Variants in SLC19A2 observed in about 807,000 individuals in gnomAD.
SLC19A2 encodes solute carrier family 19 member 2, also known as thiamine transporter 1.
Under a neutral mutation model 44.7 loss-of-function variants are expected in SLC19A2, and 27 were observed. The observed-to-expected ratio is 0.60, with a 90% confidence interval of 0.45 to 0.83. The LOEUF (loss-of-function observed/expected upper bound fraction) is 0.83, where lower values mean the gene tolerates loss of function less well. Among genes scored for constraint, SLC19A2 ranks in the 40% least tolerant of loss-of-function variants. The pLI is 0.00. For missense variants in SLC19A2, 566 were observed against 613.7 expected, an observed-to-expected ratio of 0.92 and a Z score of 0.82; for synonymous variants, 239 against 243.6, an observed-to-expected ratio of 0.98 and a Z score of 0.18.
intron 2 of SLC19A2, among the ~76,000 whole-genome samples, chr1:169,476,341 C>G (rs903741545): frequency 6.6e-6 from 1 of 152,222 alleles, no homozygotes; most frequent in Non-Finnish European, 1.5e-5. Context: ...TACTACTTCA[C>G]TTCAGCAAAT....
Position 169,485,921 on chromosome 1 carries a change from C to A in SLC19A2, c.-155G>T, listed in dbSNP as rs945128494. The A allele has an allele frequency of 2.3e-6, 2 of 887,564 alleles. No homozygotes were observed. The highest frequency in any genetic ancestry group is 3.3e-6 in the Non-Finnish European group (2 of 599,342). 55.0% of individuals were successfully genotyped at this position (887,564 alleles called of 1,614,324 possible). On this transcript the variant is annotated 5_prime_UTR_variant, in exon 1 of 6. Coordinates refer to ENST00000236137, the MANE Select transcript of SLC19A2 (RefSeq NM_006996.3). ...CCGCCGCCTCCGGCTACAGAACCCC[C>A]AGCTTTACCCTACAGACGCCTCTAG...
rs192746519 is a variant in SLC19A2 at position 169,473,524 on chromosome 1, G to A, written c.808-3338C>T. 5.8e-3 allele frequency among the ~76,000 whole-genome samples: 878 copies of A among 152,054 alleles called. 4 individuals carry two copies. The highest frequency in any genetic ancestry group is 0.02 in the African/African-American group (841 of 41,486). Reference sequence around the variant, plus strand: ...CCCACCCAAAGTGCTGGGATTACAGGTGTGAGTCACCATGCCCAGCCTGAG... The same window carrying A: ...CCCACCCAAAGTGCTGGGATTACAGATGTGAGTCACCATGCCCAGCCTGAG... On this transcript the variant is annotated intron_variant, in intron 2 of 5. Transcript: ENST00000236137.
rs1475655068 is a variant in SLC19A2 at position 169,465,794 on chromosome 1, C to A, written c.*55G>T. On this transcript the variant is annotated 3_prime_UTR_variant, in exon 6 of 6. Transcript: ENST00000236137. ...CTACGCTTTAAAAAATCAAACACATCCAGGCAGTTGCTGTGCAGAGTTCTT... is the reference window on the plus strand; with the variant it reads ...CTACGCTTTAAAAAATCAAACACATACAGGCAGTTGCTGTGCAGAGTTCTT... The A allele has an allele frequency of 3.4e-5, 54 of 1,599,692 alleles. No homozygotes were observed. The highest frequency in any genetic ancestry group is 4.4e-5 in the Non-Finnish European group (51 of 1,170,036).
intron 2 of SLC19A2, among the ~76,000 whole-genome samples, chr1:169,475,603 G>T (rs925992674): frequency 4.6e-5 from 7 of 152,008 alleles, no homozygotes; most frequent in Non-Finnish European, 2.9e-5. Context: ...TAAAATCTAT[G>T]AAATGATTAC....
intron 1 of SLC19A2, among the ~76,000 whole-genome samples, chr1:169,482,279 C>T (rs1468226348): frequency 9.9e-5 from 15 of 151,654 alleles, no homozygotes. Flanking sequence ...GTAGCTCATG[C>T]CTGTAATCCT....
intron 1 of SLC19A2, among the ~76,000 whole-genome samples, chr1:169,477,989 CTCTGCCTCCCAGGT>C (rs1344067095): frequency 6.6e-6 from 1 of 152,124 alleles, no homozygotes; most frequent in Admixed American, 6.5e-5. Flanking sequence ...TCACTGCAAC[CTCTGCCTCCCAGGT>C]TCAAGTGATT....
intron 4 of SLC19A2, 182 bp from the exon 5 acceptor site, chr1:169,468,434 C>A: frequency 1.4e-6 from 1 of 701,046 alleles, no homozygotes; most frequent in Non-Finnish European, 2.3e-6. Context: ...ATGCAAACAT[C>A]TGAAAACAGT....
At chr1:169,477,858 C>G in intron 1 of SLC19A2, 101 bp from the exon 2 acceptor site, 1 of 1,179,946 alleles carries the variant, frequency 8.5e-7, no homozygotes. Context: ...ACAAATACCT[C>G]AAAGATCTCA....
In SLC19A2 at chr1:169,469,818, T is replaced by C. The variant is rs115487903; in HGVS notation, c.1030+146A>G. On this transcript the variant is annotated intron_variant, in intron 3 of 5. Coordinates refer to ENST00000236137, the MANE Select transcript of SLC19A2 (RefSeq NM_006996.3). ...CCACTTGAGTACTTCTAAGTTGTCC[T>C]CCTAAATTGTAAAATCTAGCTCAAA... is the stretch of plus-strand genomic sequence containing the variant. The C allele has an allele frequency of 5.5e-4, 424 of 775,918 alleles. 2 individuals carry two copies. The African/African-American group carries it at 6.7e-3, about 12-fold the overall frequency. 48.1% of individuals were successfully genotyped at this position (775,918 alleles called of 1,614,324 possible).
At chr1:169,466,871 T>A (rs1371326829) in intron 5 of SLC19A2, among the ~76,000 whole-genome samples, 1 of 152,176 alleles carries the variant, frequency 6.6e-6, no homozygotes, top group East Asian at 1.9e-4. Context: ...AACATCATCA[T>A]CATCATCATC....
intron 1 of SLC19A2, 77 bp downstream of exon 1, chr1:169,485,486 T>A: frequency 3.4e-6 from 5 of 1,491,230 alleles, no homozygotes; most frequent in Non-Finnish European, 4.6e-6. Flanking sequence ...AGCGCTTTTC[T>A]CGGTCCTCTC....
intron 1 of SLC19A2, among the ~76,000 whole-genome samples, 191 bp from the exon 2 acceptor site, chr1:169,477,948 C>T (rs1201479918): frequency 6.6e-6 from 1 of 152,230 alleles, no homozygotes; most frequent in South Asian, 2.1e-4. Flanking sequence ...TGTTCTGCGC[C>T]CAGGCTGGAG....
At chr1:169,484,314 G>A (rs544107315) in intron 1 of SLC19A2, among the ~76,000 whole-genome samples, 2 of 152,184 alleles carry the variant, frequency 1.3e-5, no homozygotes, top group Admixed American at 1.3e-4. Context: ...AATGATTCCG[G>A]TAGTGCCATC....
At chr1:169,469,228 C>A in intron 3 of SLC19A2, 1 of 221,894 alleles carries the variant, frequency 4.5e-6, no homozygotes, top group South Asian at 6.9e-5. Context: ...GGCAAAAGGG[C>A]TTCTCTGCCT....
intron 1 of SLC19A2, among the ~76,000 whole-genome samples, chr1:169,483,821 T>C (rs1019641865): frequency 1.3e-5 from 2 of 152,224 alleles, no homozygotes; most frequent in Non-Finnish European, 2.9e-5. Flanking sequence ...GCAGTTCACA[T>C]GAAACTTTAA....
intron 1 of SLC19A2, among the ~76,000 whole-genome samples, chr1:169,478,718 A>G (rs570522040): frequency 4.6e-5 from 7 of 151,628 alleles, no homozygotes; most frequent in South Asian, 2.1e-4. Context: ...AGTTTCCCCA[A>G]TTAATTCATA....
At chr1:169,472,363 A>G (rs1461549940) in intron 2 of SLC19A2, among the ~76,000 whole-genome samples, 1 of 152,254 alleles carries the variant, frequency 6.6e-6, no homozygotes. Context: ...ATTATAAGAA[A>G]AGAAAGTATA....
At chr1:169,469,069 A>C in intron 3 of SLC19A2, 2 of 528,924 alleles carry the variant, frequency 3.8e-6, no homozygotes, top group Non-Finnish European at 6.8e-6. Flanking sequence ...TGAGATGAAA[A>C]TGCAGGACAA....
In SLC19A2 at chr1:169,477,313, A is replaced by C. The variant is rs1227200118; in HGVS notation, c.649T>G (p.Phe217Val). 1 of 1,614,072 alleles carries C rather than the reference A, an allele frequency of 6.2e-7. No homozygotes were observed. The highest frequency in any genetic ancestry group is 1.3e-5 in the African/African-American group (1 of 75,046). ...FLPMPQKSLF[F>V]HHIPSTCQRV... ...TGGCAGGTAGAAGGAATGTGGTGAAAGAAGAGGCTCTTCTGTGGCATAGGT... is the reference window on the plus strand; with the variant it reads ...TGGCAGGTAGAAGGAATGTGGTGAACGAAGAGGCTCTTCTGTGGCATAGGT... The change falls in exon 2 of 6, where the codon TTT (phenylalanine) becomes GTT (valine). Residue 217 changes from phenylalanine (F) to valine (V), a missense_variant. Physicochemically the swap from Phe to Val is conservative, Grantham distance 50. Coordinates refer to ENST00000236137, the MANE Select transcript of SLC19A2 (RefSeq NM_006996.3).
Sources: allele counts gnomAD v4.1 joint callset (sites outside exome capture counted in the v4.1 genomes callset), GRCh38; gene constraint gnomAD v4.1.1; transcripts MANE v1.5; gene names NCBI Gene and HGNC (gene_info 2026-07-23, HGNC 2026-07-21).